Variants in ABCC4 observed in about 807,000 individuals in gnomAD.
ABCC4 encodes the protein ATP binding cassette subfamily C member 4 (PEL blood group).
ABCC4 carries 102 observed loss-of-function variants against 168.5 expected under a neutral mutation model. The observed-to-expected ratio is 0.61, with a 90% confidence interval of 0.52 to 0.71. The LOEUF (loss-of-function observed/expected upper bound fraction) is 0.71, where lower values mean the gene tolerates loss of function less well. Ranked by LOEUF, ABCC4 falls within the 30% of genes least tolerant of loss-of-function variation. The probability of loss-of-function intolerance (pLI) is 0.00; values close to 1 mark genes in which losing one functional copy is unlikely to be tolerated. For missense variants in ABCC4, 1,402 were observed against 1,605.8 expected (o/e 0.87, Z 2.17); for synonymous variants, 617 against 590.7 (o/e 1.04, Z -0.65).
intron 20 of ABCC4, among the ~76,000 whole-genome samples, chr13:95,096,840 C>A (rs556360848): frequency 6.6e-6 from 1 of 152,222 alleles, no homozygotes; most frequent in Admixed American, 6.5e-5. Context: ...CAGATGGAAG[C>A]TCAGACTTCA....
intron 20 of ABCC4, among the ~76,000 whole-genome samples, chr13:95,098,817 T>C (rs144206797): frequency 5.3e-5 from 8 of 152,262 alleles, no homozygotes; most frequent in Middle Eastern, 3.4e-3. Context: ...ATCAAGGCAA[T>C]GCAAATGGAT....
At chr13:95,272,365 G>A (rs2040868224) in intron 1 of ABCC4, among the ~76,000 whole-genome samples, 1 of 151,794 alleles carries the variant, frequency 6.6e-6, no homozygotes, top group African/African-American at 2.4e-5. Context: ...AGTGTCTGTG[G>A]TAAAATGTGT....
intron 20 of ABCC4, among the ~76,000 whole-genome samples, chr13:95,086,087 T>TTGTGTGTGTGTGTGTGTGTGTGTG (rs55973195): frequency 4.2e-5 from 6 of 141,988 alleles, no homozygotes; most frequent in South Asian, 2.4e-4. Context: ...TTTAAGGTTA[T>TTGTGTGTGTGTGTGTGTGTGTGTG]TGTGTGTGTG....
At chr13:95,268,174 A>T (rs2040734872) in intron 1 of ABCC4, among the ~76,000 whole-genome samples, 1 of 152,176 alleles carries the variant, frequency 6.6e-6, no homozygotes, top group South Asian at 2.1e-4. Flanking sequence ...GCTCGCAGAG[A>T]CATGTGCTGT....
chr13:95,079,289 A>C (rs1379784129), intron 21 of ABCC4, among the ~76,000 whole-genome samples: 1 of 152,184 alleles, frequency 6.6e-6, no homozygotes, highest in African/African-American at 2.4e-5. Context: ...ACTCTTTAGG[A>C]TACACTCTAC....
intron 27 of ABCC4, among the ~76,000 whole-genome samples, chr13:95,050,959 G>T (rs1455641181): frequency 1.3e-5 from 2 of 152,172 alleles, no homozygotes; most frequent in East Asian, 1.9e-4. Flanking sequence ...AGTAATTCTT[G>T]TTCTTTTAGG....
chr13:95,285,431 T>C (rs1387636261), intron 1 of ABCC4, among the ~76,000 whole-genome samples: 2 of 151,646 alleles, frequency 1.3e-5, no homozygotes, highest in Non-Finnish European at 2.9e-5. Context: ...GTGCCTGTAA[T>C]CCCAGCTATT....
intron 20 of ABCC4, among the ~76,000 whole-genome samples, chr13:95,102,310 A>C (rs1247448856): frequency 6.6e-6 from 1 of 151,850 alleles, no homozygotes; most frequent in Admixed American, 6.6e-5. Flanking sequence ...ACACCTAGCT[A>C]ATTGTTTTAT....
Position 95,083,423 on chromosome 13 carries a change from C to A in ABCC4, c.2536-133G>T. The stretch of plus-strand genomic sequence containing the variant: ...TAGTACCAGGGACTGCTTTTCCATA[C>A]AAAGGAATAACAAAAGTATAGGTGG... On this transcript the variant is annotated intron_variant, in intron 20 of 30. Transcript: ENST00000645237. 4 of 1,055,382 alleles carry A rather than the reference C, an allele frequency of 3.8e-6. 1 individual carries two copies. Among genetic ancestry groups the A allele is most frequent in the East Asian group, 5.2e-5 (2 of 38,284 alleles). 65.4% of individuals were successfully genotyped at this position (1,055,382 alleles called of 1,614,324 possible). A position where few individuals can be genotyped will look rare whatever the true frequency, so the allele number is the denominator to read the frequency against.
chr13:95,055,892 A>G (rs982471009), intron 26 of ABCC4: 1 of 141,416 alleles, frequency 7.1e-6, no homozygotes, highest in Non-Finnish European at 1.6e-5. Context: ...AAACAACAGC[A>G]ACAACAGCAA....
chr13:95,198,168 C>T (rs2038515102), intron 8 of ABCC4, among the ~76,000 whole-genome samples: 1 of 152,114 alleles, frequency 6.6e-6, no homozygotes, highest in Non-Finnish European at 1.5e-5. Flanking sequence ...TCAGAGTGAA[C>T]AGGCAACCTA....
At chr13:95,034,547 T>C (rs1285125474) in intron 30 of ABCC4, 58 bp downstream of exon 30, 5 of 1,576,324 alleles carry the variant, frequency 3.2e-6, no homozygotes, top group Non-Finnish European at 3.4e-6. Flanking sequence ...TGGTGCCAAA[T>C]TGTGCGGAGG....
chr13:95,126,720 AATAT>A (rs71111594), intron 19 of ABCC4, among the ~76,000 whole-genome samples: 985 of 81,654 alleles, frequency 0.012, 39 homozygotes, highest in East Asian at 0.057. Flanking sequence ...CTTTTTTTGG[AATAT>A]ATATATATAT....
chr13:95,258,477 C>T (rs1330807577), intron 1 of ABCC4, among the ~76,000 whole-genome samples: 2 of 152,226 alleles, frequency 1.3e-5, no homozygotes, highest in Non-Finnish European at 2.9e-5. Context: ...AAAAACCAAA[C>T]ATACCCTCAT....
Position 95,240,807 on chromosome 13 carries a change from C to T in ABCC4, c.307-5973G>A, listed in dbSNP as rs111293100. On this transcript the variant is annotated intron_variant, in intron 3 of 30. Coordinates refer to ENST00000645237, the MANE Select transcript of ABCC4 (RefSeq NM_005845.5). ...CCAACATGGTAAAACCCTGTCTCTA[C>T]TAAAAATACAAAAATTAGCTACATG... Among the ~76,000 whole-genome samples, 789 of 152,062 alleles carry T rather than the reference C, an allele frequency of 5.2e-3. 14 individuals are homozygous for T. The highest frequency in any genetic ancestry group is 0.018 in the African/African-American group (741 of 41,494).
At chr13:95,064,260 G>GTATATATATATATA (rs753635232) in intron 25 of ABCC4, among the ~76,000 whole-genome samples, 13 of 21,494 alleles carry the variant, frequency 6.0e-4, no homozygotes, top group African/African-American at 2.9e-3. Context: ...GTGTGTGTGT[G>GTATATATATATATA]TATATATATA....
intron 3 of ABCC4, among the ~76,000 whole-genome samples, chr13:95,235,286 C>T (rs367919919): frequency 7.9e-5 from 12 of 152,042 alleles, no homozygotes; most frequent in South Asian, 2.1e-4. Context: ...TAAGACAAGC[C>T]GATAGGAGTT....
At chr13:95,278,518 G>A (rs1324674215) in intron 1 of ABCC4, among the ~76,000 whole-genome samples, 4 of 152,218 alleles carry the variant, frequency 2.6e-5, no homozygotes, top group African/African-American at 4.8e-5. Context: ...AGAGAGGCAA[G>A]GGGCGGTGGC....
At chr13:95,111,168 T>TA (rs2035192034) in intron 20 of ABCC4, among the ~76,000 whole-genome samples, 1 of 152,246 alleles carries the variant, frequency 6.6e-6, no homozygotes, top group Admixed American at 6.5e-5. Context: ...TGTATTTCAA[T>TA]TCTTTATGAA....
Sources: allele counts gnomAD v4.1 joint callset (sites outside exome capture counted in the v4.1 genomes callset), GRCh38; gene constraint gnomAD v4.1.1; transcripts MANE v1.5; gene names NCBI Gene and HGNC (gene_info 2026-07-23, HGNC 2026-07-21).